The following UFC1 variants were observed in gnomAD, a reference collection of about 807,000 sequenced individuals.
The protein encoded by UFC1 is ubiquitin-fold modifier-conjugating enzyme 1.
Under a neutral mutation model 28.0 loss-of-function variants are expected in UFC1, and 22 were observed. The observed-to-expected ratio is 0.78, with a 90% CI of 0.56 to 1.12. The LOEUF is 1.12. Among genes scored for constraint, UFC1 ranks in the 50% most tolerant of loss-of-function variants. The pLI is 0.00. For missense variants in UFC1, 189 were observed against 207.8 expected (o/e 0.91, Z 0.56); for synonymous variants, 61 against 74.5 (o/e 0.82, Z 0.93).
chr1:161,155,286 A>G (rs905882257), intron 1 of UFC1, among the ~76,000 whole-genome samples: 1 of 152,264 alleles, frequency 6.6e-6, no homozygotes, highest in Non-Finnish European at 1.5e-5. Flanking sequence ...ACATAAGAGT[A>G]GAAGGACATT....
chr1:161,158,105 C>T lies in UFC1; in HGVS notation c.333-16C>T, dbSNP rs756868751. On this transcript the variant is annotated splice_polypyrimidine_tract_variant and intron_variant, in intron 4 of 5. Coordinates refer to ENST00000368003, the MANE Select transcript of UFC1 (RefSeq NM_016406.4). ...AAACTTTGCATGTCAACACCTTCTT[C>T]ATGTCCCTCTCATAGGGGTGGCAAA... The T allele has an allele frequency of 5.0e-6, 8 of 1,611,936 alleles. No individual in the cohort carries two copies. The East Asian group carries it at 8.9e-5, about 18-fold the overall frequency.
chr1:161,158,297 T>C, intron 5 of UFC1, 86 bp downstream of exon 5: 1 of 1,569,982 alleles, frequency 6.4e-7, no homozygotes, highest in South Asian at 1.1e-5. Context: ...ATAAAAGGAA[T>C]AACAGTGATG....
intron 1 of UFC1, 90 bp downstream of exon 1, chr1:161,154,210 C>A (rs1425718160): frequency 6.4e-7 from 1 of 1,555,358 alleles, no homozygotes; most frequent in African/African-American, 1.4e-5. Flanking sequence ...GAAGCCGCTT[C>A]CGGTTTTTAA....
intron 1 of UFC1, 73 bp downstream of exon 1, chr1:161,154,193 C>A: frequency 6.3e-7 from 1 of 1,575,848 alleles, no homozygotes; most frequent in Non-Finnish European, 8.6e-7. Context: ...ATAATAGGCT[C>A]CGTGTGGAAG....
chr1:161,156,815 C>G, intron 1 of UFC1, 135 bp from the exon 2 acceptor site: 1 of 762,266 alleles, frequency 1.3e-6, no homozygotes, highest in South Asian at 1.8e-5. Context: ...GCACTCCAGC[C>G]TGTGCGACGG....
chr1:161,157,567 G>T, intron 3 of UFC1, 50 bp from the exon 4 acceptor site: 1 of 1,546,850 alleles, frequency 6.5e-7, no homozygotes, highest in Non-Finnish European at 8.9e-7. Flanking sequence ...GATTATATTA[G>T]TTCCTTTCTA....
At position 161,154,080 on chromosome 1, in the gene UFC1, G is replaced by C. The variant is rs1382580197; in HGVS notation, c.83G>C (p.Trp28Ser). Residue 28 changes from tryptophan to serine, a missense_variant, in exon 1 of 6, where the codon TGG becomes TCG. Physicochemically the swap from Trp to Ser is radical, Grantham distance 177. Transcript: ENST00000368003. ...GCCGGACCCCGAGATCGTGAGTTGT[G>C]GGTGCAGCGACTGAAGGAGGAATAT... ...TNAGPRDRELWVQRLKEEYQS... is the reference protein window; with the variant it reads ...TNAGPRDRELSVQRLKEEYQS... 1 of 1,614,104 alleles carries C rather than the reference G, an allele frequency of 6.2e-7. No individual in the cohort carries two copies.
rs993573137 is a variant in UFC1, at chr1:161,157,918, A to G, written c.333-203A>G. 4.3e-5 allele frequency: 27 copies of G among 631,054 alleles called. No homozygotes were observed. The Admixed American group carries it at 6.5e-4, about 15-fold the overall frequency. The allele number at this position is 631,054 out of a possible 1,614,324, so 39.1% of individuals were successfully genotyped here. Reference sequence around the variant, plus strand: ...AAAAGATGTAAGGAAAAAAAAAAAAAGGAAGAACTTTGGAGGCAGAGATTT... The same window carrying G: ...AAAAGATGTAAGGAAAAAAAAAAAAGGGAAGAACTTTGGAGGCAGAGATTT... On this transcript the variant is annotated intron_variant, in intron 4 of 5. Coordinates refer to ENST00000368003, the MANE Select transcript of UFC1 (RefSeq NM_016406.4).
intron 4 of UFC1, 39 bp downstream of exon 4, chr1:161,157,732 C>T: frequency 6.4e-7 from 1 of 1,574,464 alleles, no homozygotes; most frequent in Non-Finnish European, 8.7e-7. Flanking sequence ...TCAAAGAAAG[C>T]CTTAAGGAAG....
Position 161,158,778 on chromosome 1 carries a change from G to C in UFC1, c.*286G>C, listed in dbSNP as rs539258952. 6.9e-6 allele frequency: 3 copies of C among 434,150 alleles called. No individual in the cohort carries two copies. Among genetic ancestry groups the C allele is most frequent in the East Asian group, 4.5e-5 (1 of 22,340 alleles). The allele number at this position is 434,150 out of a possible 1,614,324, so 26.9% of individuals were successfully genotyped here. A position where few individuals can be genotyped will look rare whatever the true frequency, so the allele number is the denominator to read the frequency against. On this transcript the variant is annotated 3_prime_UTR_variant, in exon 6 of 6. Coordinates refer to ENST00000368003, the MANE Select transcript of UFC1 (RefSeq NM_016406.4). The stretch of plus-strand genomic sequence containing the variant: ...GAGCAACATGCGATTCTGGAGGCAC[G>C]GGGGTAACTGAAAGTGAGTACATAT...
At chr1:161,154,551 C>G (rs1023371026) in intron 1 of UFC1, among the ~76,000 whole-genome samples, 3 of 152,146 alleles carry the variant, frequency 2.0e-5, no homozygotes, top group Non-Finnish European at 4.4e-5. Context: ...GTGGCGCGAT[C>G]TCGGCTCACT....
At chr1:161,156,379 A>T (rs933910424) in intron 1 of UFC1, among the ~76,000 whole-genome samples, 2 of 151,592 alleles carry the variant, frequency 1.3e-5, no homozygotes, top group Non-Finnish European at 2.9e-5. Context: ...AAAAAAAAAA[A>T]ATACAAAAAA....
In UFC1 at chr1:161,158,636, T is replaced by G; in HGVS notation, c.*144T>G. The stretch of plus-strand genomic sequence containing the variant: ...ACTAAGTAGCTGCAGTAGGCATTGC[T>G]GGGGAAGAAACAAACACACACCAAA... On this transcript the variant is annotated 3_prime_UTR_variant, in exon 6 of 6. Coordinates refer to ENST00000368003, the MANE Select transcript of UFC1 (RefSeq NM_016406.4). The G allele has an allele frequency of 1.2e-6, 1 of 808,016 alleles. No homozygotes were observed. The allele number at this position is 808,016 out of a possible 1,614,324, so 50.1% of individuals were successfully genotyped here. A position where few individuals can be genotyped will look rare whatever the true frequency, so the allele number is the denominator to read the frequency against.
intron 2 of UFC1, 33 bp downstream of exon 2, chr1:161,157,050 G>C (rs1461964856): frequency 6.2e-7 from 1 of 1,607,588 alleles, no homozygotes; most frequent in African/African-American, 1.3e-5. Context: ...TGTGGGGTGG[G>C]AGTCTTATAT....
At position 161,158,183 on chromosome 1, in the gene UFC1, T is replaced by C; in HGVS notation, c.395T>C (p.Phe132Ser). 6.2e-7 allele frequency: 1 copy of C among 1,614,222 alleles called. No homozygotes were observed. The highest frequency in any genetic ancestry group is 8.5e-7 in the Non-Finnish European group (1 of 1,180,038). ...TTGTGGGCCAGGAATGTGCCCAAAT[T>C]TGGACTAGCTCATCTCATGGCTCTG... ...KPLWARNVPK[F>S]GLAHLMALGL... The change falls in exon 5 of 6, where the codon TTT (phenylalanine) becomes TCT (serine). Residue 132 changes from phenylalanine (F) to serine (S), a missense_variant. Physicochemically the swap from Phe to Ser is radical, Grantham distance 155. Transcript: ENST00000368003.
chr1:161,158,250 A>T (rs1266495271), intron 5 of UFC1, 39 bp downstream of exon 5: 9 of 1,602,266 alleles, frequency 5.6e-6, no homozygotes, highest in Non-Finnish European at 7.7e-6. Context: ...AGAAAGAGGG[A>T]CTTAGGCCCT....
chr1:161,157,685 G>A lies in UFC1; in HGVS notation c.324G>A (p.Lys108=). The change falls in exon 4 of 6, where the codon AAG becomes AAA. Residue 108 remains lysine (K), a synonymous_variant. Coordinates refer to ENST00000368003, the MANE Select transcript of UFC1 (RefSeq NM_016406.4). ...CTGAGCTGGATGGAAAGACAGCAAA[G>A]ATGTACAGGTAGGACTGAATAGGAG... is the stretch of plus-strand genomic sequence containing the variant. ...AVPELDGKTA[K]MYRGGKICLT... is the part of the protein sequence containing the mutation. 1 of 1,613,948 alleles carries A rather than the reference G, an allele frequency of 6.2e-7. No homozygotes were observed. The highest frequency in any genetic ancestry group is 8.5e-7 in the Non-Finnish European group (1 of 1,179,840).
At chr1:161,155,359 G>A (rs1657478945) in intron 1 of UFC1, among the ~76,000 whole-genome samples, 1 of 152,246 alleles carries the variant, frequency 6.6e-6, no homozygotes, top group Non-Finnish European at 1.5e-5. Flanking sequence ...GCACCAGCAT[G>A]ATGTGTTTGA....
rs1657640215 is a variant in UFC1, at chr1:161,158,786, CTG to C, written c.*295_*296del. 4.7e-5 allele frequency: 20 copies of C among 421,610 alleles called. No homozygotes were observed. In the South Asian group the frequency reaches 4.7e-4, roughly 10 times the overall value. The allele number at this position is 421,610 out of a possible 1,614,324, so 26.1% of individuals were successfully genotyped here. On this transcript the variant is annotated 3_prime_UTR_variant, in exon 6 of 6. Transcript: ENST00000368003. The stretch of plus-strand genomic sequence containing the variant: ...TGCGATTCTGGAGGCACGGGGGTAA[CTG>C]AAAGTGAGTACATATAGTCTTTCTG...
Sources: gnomAD v4.1 joint callset for allele counts (sites outside exome capture counted in the v4.1 genomes callset) on GRCh38, gnomAD v4.1.1 for gene constraint, MANE v1.5 for transcripts, NCBI Gene and HGNC (gene_info 2026-07-23, HGNC 2026-07-21) for gene names.